The following MYO6 variants were observed in gnomAD, a reference collection of about 807,000 sequenced individuals.
MYO6 encodes unconventional myosin-VI.
Under a neutral mutation model 178.7 loss-of-function variants are expected in MYO6, and 74 were observed. The ratio of observed to expected loss-of-function variants is 0.41; its 90% CI spans 0.34 to 0.50. The LOEUF is 0.50. Ranked by LOEUF, MYO6 falls within the 20% of genes least tolerant of loss-of-function variation. MYO6 has a pLI of 0.09. For missense variants in MYO6, 1,330 were observed against 1,547.4 expected (o/e 0.86, Z 2.36); for synonymous variants, 477 against 504.6 (o/e 0.95, Z 0.73).
chr6:75,855,109 T>C (rs777806167), intron 11 of MYO6, 30 bp from the exon 12 acceptor site: 34 of 1,535,074 alleles, frequency 2.2e-5, no homozygotes, highest in Non-Finnish European at 2.7e-5. Flanking sequence ...ATAATACTTA[T>C]TAATTTCAAT....
At chr6:75,782,932 G>A (rs1335244553) in intron 1 of MYO6, among the ~76,000 whole-genome samples, 1 of 123,816 alleles carries the variant, frequency 8.1e-6, no homozygotes, top group Admixed American at 8.6e-5. Flanking sequence ...TTTTTTTTGA[G>A]AAGACAGGGT....
chr6:75,838,712 C>T (rs544222534), intron 7 of MYO6, among the ~76,000 whole-genome samples: 11 of 148,850 alleles, frequency 7.4e-5, no homozygotes, highest in Admixed American at 3.4e-4. Flanking sequence ...CCCATGCTGG[C>T]GTGCAGTGGC....
intron 1 of MYO6, among the ~76,000 whole-genome samples, chr6:75,810,191 A>T (rs1378966815): frequency 6.6e-6 from 1 of 151,976 alleles, no homozygotes; most frequent in Non-Finnish European, 1.5e-5. Flanking sequence ...CTCTTTTCAG[A>T]CCTTAAAAGA....
intron 10 of MYO6, among the ~76,000 whole-genome samples, chr6:75,845,858 G>A (rs1296304732): frequency 1.3e-5 from 2 of 150,780 alleles, no homozygotes; most frequent in African/African-American, 4.9e-5. Flanking sequence ...GTCGTGGTGT[G>A]TGCCTGTAAT....
chr6:75,800,578 A>C (rs1308945244), intron 1 of MYO6, among the ~76,000 whole-genome samples: 1 of 152,218 alleles, frequency 6.6e-6, no homozygotes. Flanking sequence ...GAACGAAACA[A>C]ATTTAAACGG....
chr6:75,752,773 G>A lies in MYO6; in HGVS notation c.-48+3350G>A, dbSNP rs563483998. 8.5e-5 allele frequency among the ~76,000 whole-genome samples: 13 copies of A among 152,096 alleles called. No individual in the cohort carries two copies. In the South Asian group the frequency reaches 1.9e-3, roughly 22 times the overall value. On this transcript the variant is annotated intron_variant, in intron 1 of 34. Coordinates refer to ENST00000369977, the MANE Select transcript of MYO6 (RefSeq NM_004999.4). ...TGATGCTGCTGCTTTCTCATTTCTC[G>A]TATAGTTCTAGGACATTATATGTAT...
At chr6:75,784,236 G>T (rs974887790) in intron 1 of MYO6, among the ~76,000 whole-genome samples, 1 of 151,924 alleles carries the variant, frequency 6.6e-6, no homozygotes, top group African/African-American at 2.4e-5. Context: ...CTCCCAAAGT[G>T]CTGGGATTAC....
At position 75,867,076 on chromosome 6, in the gene MYO6, A is replaced by C. The variant is rs1776762873; in HGVS notation, c.1915A>C (p.Ser639Arg). ...TACTAAACAAAAAGCAGGAAAACTT[A>C]GCTTCATCAGCGTGGGAAACAAGTT... ...KDTKQKAGKL[S>R]FISVGNKFKT... is the part of the protein sequence containing the mutation. The change falls in exon 18 of 35, where the codon AGC (serine) becomes CGC (arginine). Residue 639 changes from serine (S) to arginine (R), a missense_variant. By Grantham distance (110) the Ser-to-Arg change is moderately radical (BLOSUM62 -1). Around this residue, in one of 3 missense-constraint regions of MYO6, gnomAD observed 613 missense variants for 816.8 expected, o/e 0.75. Transcript: ENST00000369977. The C allele has an allele frequency of 6.2e-7, 1 of 1,613,688 alleles. No individual in the cohort carries two copies. Among genetic ancestry groups the C allele is most frequent in the South Asian group, 1.1e-5 (1 of 91,042 alleles).
At chr6:75,899,195 A>C (rs1490522142) in intron 30 of MYO6, among the ~76,000 whole-genome samples, 1 of 152,102 alleles carries the variant, frequency 6.6e-6, no homozygotes, top group African/African-American at 2.4e-5. Flanking sequence ...TAGGAATGAA[A>C]AGTTAGGGAT....
chr6:75,805,021 A>ATATATATATAT (rs1252912172), intron 1 of MYO6, among the ~76,000 whole-genome samples: 15 of 77,286 alleles, frequency 1.9e-4, no homozygotes, highest in South Asian at 9.0e-4. Context: ...ATATATATAT[A>ATATATATATAT]TTTTTTTTTT....
chr6:75,902,038 T>C (rs1455888204), intron 30 of MYO6, among the ~76,000 whole-genome samples: 2 of 152,334 alleles, frequency 1.3e-5, no homozygotes, highest in South Asian at 2.1e-4. Flanking sequence ...TATTGATTTG[T>C]GTATATTGGA....
intron 1 of MYO6, among the ~76,000 whole-genome samples, chr6:75,753,416 A>G (rs1777058601): frequency 6.6e-6 from 1 of 150,596 alleles, no homozygotes; most frequent in Non-Finnish European, 1.5e-5. Flanking sequence ...CATTATATCT[A>G]TATGCATGTA....
At chr6:75,898,512 A>G in intron 30 of MYO6, 101 bp downstream of exon 30, 1 of 937,448 alleles carries the variant, frequency 1.1e-6, no homozygotes, top group Non-Finnish European at 1.7e-6. Context: ...TGAGTAGCCT[A>G]GTCTTTCTAT....
intron 1 of MYO6, among the ~76,000 whole-genome samples, chr6:75,782,909 C>CTTTT (rs397888755): frequency 1.7e-5 from 2 of 117,966 alleles, no homozygotes; most frequent in East Asian, 2.4e-4. Flanking sequence ...AGCTAGTTAG[C>CTTTT]TTTTTTTTTT....
chr6:75,827,497 A>T (rs148345600), intron 3 of MYO6, among the ~76,000 whole-genome samples: 67 of 152,344 alleles, frequency 4.4e-4, no homozygotes, highest in African/African-American at 1.6e-3. Flanking sequence ...ATAGAGACCC[A>T]GTGATGATTT....
intron 20 of MYO6, among the ~76,000 whole-genome samples, chr6:75,878,591 C>G (rs1386610589): frequency 6.6e-6 from 1 of 152,220 alleles, no homozygotes; most frequent in Non-Finnish European, 1.5e-5. Context: ...TAAAGGCCAT[C>G]TTTCCTGTGA....
intron 30 of MYO6, among the ~76,000 whole-genome samples, chr6:75,902,595 G>A (rs1422643257): frequency 1.1e-4 from 17 of 151,972 alleles, no homozygotes; most frequent in Non-Finnish European, 1.5e-4. Flanking sequence ...TTTTGATTGC[G>A]TCTATTTGAT....
rs1208605799 is a variant in MYO6, at chr6:75,749,297, C to G, written c.-174C>G. Reference sequence around the variant, plus strand: ...CCAGCCTCAGCCCGGCCGCTGTCGCCGCCCTGTCCTGGTGCCCGTCCGCGT... The same window carrying G: ...CCAGCCTCAGCCCGGCCGCTGTCGCGGCCCTGTCCTGGTGCCCGTCCGCGT... On this transcript the variant is annotated 5_prime_UTR_variant, in exon 1 of 35. Transcript: ENST00000369977. The G allele has an allele frequency of 6.5e-6, 1 of 152,762 alleles. No homozygotes were observed. The highest frequency in any genetic ancestry group is 2.1e-4 in the South Asian group (1 of 4,844). The allele number at this position is 152,762 out of a possible 1,614,324, so 9.5% of individuals were successfully genotyped here. A position where few individuals can be genotyped will look rare whatever the true frequency, so the allele number is the denominator to read the frequency against.
chr6:75,850,835 C>T (rs964082870), intron 11 of MYO6, among the ~76,000 whole-genome samples: 1 of 151,310 alleles, frequency 6.6e-6, no homozygotes, highest in Non-Finnish European at 1.5e-5. Context: ...ACATAGTAAT[C>T]ATTATAAGTG....
Sources: allele counts gnomAD v4.1 joint callset (sites outside exome capture counted in the v4.1 genomes callset), GRCh38; gene constraint gnomAD v4.1.1; regional missense constraint gnomAD v4.1.1; transcripts MANE v1.5; gene names NCBI Gene and HGNC (gene_info 2026-07-23, HGNC 2026-07-21).